The following HCN1 variants were observed in gnomAD, a reference collection of about 807,000 sequenced individuals.
HCN1 encodes the protein hyperpolarization activated cyclic nucleotide gated potassium channel 1.
A neutral mutation model predicts 78.9 loss-of-function variants in HCN1; 13 were observed. That is an observed-to-expected ratio of 0.16 (90% CI 0.11 to 0.26). The LOEUF (loss-of-function observed/expected upper bound fraction) is 0.26. Among genes scored for constraint, HCN1 ranks in the 10% least tolerant of loss-of-function variants. The pLI is 1.00. For synonymous variants in HCN1, 552 were observed against 455.5 expected, an observed-to-expected ratio of 1.21 and a Z score of -2.70; for missense variants, 810 against 1,154.3, an observed-to-expected ratio of 0.70 and a Z score of 4.32.
chr5:45,284,245 A>G (rs1419893852), intron 6 of HCN1, among the ~76,000 whole-genome samples: 3 of 152,134 alleles, frequency 2.0e-5, no homozygotes, highest in Non-Finnish European at 2.9e-5. Context: ...ACATGAATTT[A>G]CTTATGTAAC....
At chr5:45,292,341 A>G (rs1050549092) in intron 6 of HCN1, among the ~76,000 whole-genome samples, 1 of 152,016 alleles carries the variant, frequency 6.6e-6, no homozygotes, top group African/African-American at 2.4e-5. Context: ...CCAGTTCCTC[A>G]GTCACACTAG....
At chr5:45,305,539 T>C (rs886978003) in intron 5 of HCN1, among the ~76,000 whole-genome samples, 1 of 152,154 alleles carries the variant, frequency 6.6e-6, no homozygotes, top group African/African-American at 2.4e-5. Flanking sequence ...GAGTCCACGA[T>C]TGGCTGTATC....
chr5:45,546,856 T>A (rs540505488), intron 2 of HCN1, among the ~76,000 whole-genome samples: 1 of 152,020 alleles, frequency 6.6e-6, no homozygotes, highest in East Asian at 1.9e-4. Flanking sequence ...CAAGTTGTTT[T>A]CACGAGTAGA....
At chr5:45,472,000 A>T (rs1436295926) in intron 2 of HCN1, among the ~76,000 whole-genome samples, 1 of 151,856 alleles carries the variant, frequency 6.6e-6, no homozygotes, top group Non-Finnish European at 1.5e-5. Flanking sequence ...TTGAACTTTC[A>T]CTAGACATTC....
intron 2 of HCN1, among the ~76,000 whole-genome samples, chr5:45,504,183 G>T (rs536703862): frequency 5.8e-4 from 89 of 152,182 alleles, no homozygotes; most frequent in African/African-American, 1.8e-3. Flanking sequence ...CATGTGCCAT[G>T]TTGGTGTGCT....
At chr5:45,337,997 T>C (rs1219518381) in intron 5 of HCN1, among the ~76,000 whole-genome samples, 1 of 152,176 alleles carries the variant, frequency 6.6e-6, no homozygotes, top group Admixed American at 6.5e-5. Context: ...ATTAATTTTA[T>C]ATGCATGGTA....
intron 3 of HCN1, among the ~76,000 whole-genome samples, chr5:45,422,685 C>T (rs1305865003): frequency 6.6e-6 from 1 of 152,124 alleles, no homozygotes; most frequent in African/African-American, 2.4e-5. Flanking sequence ...CTAATCAAAC[C>T]ATTTCAGAAA....
intron 5 of HCN1, among the ~76,000 whole-genome samples, chr5:45,348,207 G>A (rs1286579136): frequency 6.6e-6 from 1 of 152,136 alleles, no homozygotes; most frequent in East Asian, 1.9e-4. Flanking sequence ...TGGGGGGCCA[G>A]TATTCAAAGT....
At chr5:45,581,154 A>T (rs1744063626) in intron 2 of HCN1, among the ~76,000 whole-genome samples, 1 of 152,216 alleles carries the variant, frequency 6.6e-6, no homozygotes, top group Non-Finnish European at 1.5e-5. Context: ...AGTCCCACCA[A>T]CAGTGTAAAA....
chr5:45,694,473 C>G (rs6873359), intron 1 of HCN1, among the ~76,000 whole-genome samples: 40,879 of 152,102 alleles, frequency 0.27, 5,587 homozygotes, highest in East Asian at 0.32. Flanking sequence ...GGACAGCTCC[C>G]GTTAAGGCAT....
chr5:45,267,477 AC>A (rs1206296205), intron 6 of HCN1, among the ~76,000 whole-genome samples: 3 of 151,740 alleles, frequency 2.0e-5, no homozygotes, highest in Admixed American at 6.6e-5. Flanking sequence ...AAAAAAAAAA[AC>A]AGTTGAGAAG....
intron 1 of HCN1, chr5:45,695,186 G>C (rs1031896873): frequency 1.7e-5 from 3 of 177,860 alleles, no homozygotes; most frequent in Non-Finnish European, 3.5e-5. Flanking sequence ...GGGCGAGCGC[G>C]GCAGGAACTG....
chr5:45,375,383 A>ATGATACATATTATATATAAGATC (rs1440483632), intron 4 of HCN1, among the ~76,000 whole-genome samples: 1 of 112,950 alleles, frequency 8.9e-6, no homozygotes, highest in Non-Finnish European at 1.7e-5. Flanking sequence ...TATATAATAT[A>ATGATACATATTATATATAAGATC]ATATTTTATG....
At chr5:45,501,426 CT>C (rs1390412549) in intron 2 of HCN1, among the ~76,000 whole-genome samples, 6 of 151,290 alleles carry the variant, frequency 4.0e-5, no homozygotes, top group East Asian at 3.9e-4. Flanking sequence ...ACAAATTTCA[CT>C]TTTTTTTTGT....
intron 4 of HCN1, among the ~76,000 whole-genome samples, chr5:45,372,501 A>ATATAAAACATTTACATATAAAAATG (rs1747422676): frequency 7.8e-6 from 1 of 128,616 alleles, no homozygotes; most frequent in African/African-American, 2.9e-5. Context: ...ATATAAAAAT[A>ATATAAAACATTTACATATAAAAATG]TATAAAACAT....
chr5:45,617,840 A>G (rs2111989293), intron 2 of HCN1, among the ~76,000 whole-genome samples: 1 of 132,312 alleles, frequency 7.6e-6, no homozygotes, highest in East Asian at 1.9e-4. Context: ...AATTTCTAGG[A>G]ATATAAATTA....
chr5:45,325,552 T>C (rs1438879858), intron 5 of HCN1, among the ~76,000 whole-genome samples: 3 of 151,764 alleles, frequency 2.0e-5, no homozygotes, highest in Non-Finnish European at 4.4e-5. Flanking sequence ...TACATTCCAT[T>C]ATTAAAAAAG....
intron 4 of HCN1, among the ~76,000 whole-genome samples, chr5:45,373,256 A>C (rs1404484742): frequency 8.7e-6 from 1 of 115,428 alleles, no homozygotes; most frequent in Non-Finnish European, 1.6e-5. Context: ...TATATATTTT[A>C]TATTATATAT....
chr5:45,524,714 T>G (rs998064282), intron 2 of HCN1, among the ~76,000 whole-genome samples: 5 of 152,122 alleles, frequency 3.3e-5, no homozygotes, highest in Admixed American at 2.0e-4. Flanking sequence ...TTTTGTATCC[T>G]GAGACTTTGC....
Sources: gnomAD v4.1 joint callset for allele counts (sites outside exome capture counted in the v4.1 genomes callset) on GRCh38, gnomAD v4.1.1 for gene constraint, MANE v1.5 for transcripts, NCBI Gene and HGNC (gene_info 2026-07-23, HGNC 2026-07-21) for gene names.